The following PBRM1 variants were observed in gnomAD, a reference collection of about 807,000 sequenced individuals.
The protein encoded by PBRM1 is polybromo 1, also known as protein polybromo-1.
PBRM1 carries 27 observed loss-of-function variants against 194.5 expected under a neutral mutation model. The observed-to-expected ratio is 0.14, with a 90% confidence interval of 0.10 to 0.19. The LOEUF (loss-of-function observed/expected upper bound fraction) is 0.19. PBRM1 is among the 10% of genes least tolerant of loss of function. The pLI, the probability that PBRM1 is intolerant of heterozygous loss-of-function variation, is 1.00. For missense variants in PBRM1, 1,466 were observed against 2,077.2 expected (o/e 0.71, Z 5.72); for synonymous variants, 655 against 693.2 (o/e 0.94, Z 0.87).
At chr3:52,611,190 C>CA (rs913646882) in intron 15 of PBRM1, among the ~76,000 whole-genome samples, 30 of 151,638 alleles carry the variant, frequency 2.0e-4, no homozygotes, top group Admixed American at 5.9e-4. Flanking sequence ...AAGACACACA[C>CA]AAAAAAAACA....
At chr3:52,670,648 A>G (rs1308983508) in intron 2 of PBRM1, among the ~76,000 whole-genome samples, 2 of 152,132 alleles carry the variant, frequency 1.3e-5, no homozygotes, top group East Asian at 1.9e-4. Context: ...TCCCTACCCC[A>G]TTTTCCCTTC....
intron 10 of PBRM1, among the ~76,000 whole-genome samples, chr3:52,638,993 G>C (rs1165726051): frequency 1.6e-4 from 19 of 120,908 alleles, no homozygotes; most frequent in African/African-American, 4.6e-4. Context: ...TTTTGGGGGG[G>C]GGGGGCGGGG....
At chr3:52,628,944 G>C (rs766686111) in exon 12 of PBRM1, 2 of 1,613,150 alleles carry the variant, frequency 1.2e-6, no homozygotes, top group Non-Finnish European at 1.7e-6. Context: ...GCTGAATTGG[G>C]CACATTATAG....
upstream of PBRM1, among the ~76,000 whole-genome samples, chr3:52,683,539 C>A (rs2097251247): frequency 6.6e-6 from 1 of 151,984 alleles, no homozygotes; most frequent in Admixed American, 6.6e-5. Context: ...TAGGGCCAGG[C>A]ACAGTGGCTC....
chr3:52,578,210 G>A (rs2090191407), intron 21 of PBRM1, among the ~76,000 whole-genome samples: 1 of 151,948 alleles, frequency 6.6e-6, no homozygotes, highest in Non-Finnish European at 1.5e-5. Context: ...TTCTCCCCTT[G>A]TTCTCCTCTA....
upstream of PBRM1, among the ~76,000 whole-genome samples, chr3:52,683,907 A>G (rs1029912506): frequency 6.7e-6 from 1 of 149,696 alleles, no homozygotes; most frequent in African/African-American, 2.5e-5. Flanking sequence ...ACAGGGGCTC[A>G]TATCTGTAGT....
chr3:52,653,846 G>A (rs918297904), intron 5 of PBRM1, among the ~76,000 whole-genome samples: 1 of 152,098 alleles, frequency 6.6e-6, no homozygotes, highest in Non-Finnish European at 1.5e-5. Flanking sequence ...GGAGGCAGAG[G>A]TTGCAGTGGG....
downstream of PBRM1, chr3:52,547,830 C>T (rs757058134): frequency 7.1e-5 from 29 of 410,594 alleles, no homozygotes; most frequent in Admixed American, 2.9e-4. Context: ...TGGTTTTAAA[C>T]GAAGGAAACA....
At chr3:52,651,835 C>G (rs1242693488) in intron 5 of PBRM1, 25 bp from the exon 7 acceptor site, 6 of 1,482,042 alleles carry the variant, frequency 4.0e-6, no homozygotes, top group Non-Finnish European at 4.7e-6. Flanking sequence ...ACCAGGCATG[C>G]TCAATAAGTT....
chr3:52,679,471 A>T lies in PBRM1; in HGVS notation c.138+103T>A, dbSNP rs965945451. 4.9e-6 allele frequency: 5 copies of T among 1,023,608 alleles called. No homozygotes were observed. The East Asian group carries it at 7.3e-5, about 15-fold the overall frequency. The allele number at this position is 1,023,608 out of a possible 1,614,324, so 63.4% of individuals were successfully genotyped here. On this transcript the variant is annotated intron_variant, in intron 1 of 29. Transcript: ENST00000296302. Reference sequence around the variant, plus strand: ...AAAGACTATTAATCAAGAGAATCTTAAAAAAGTGGAGATGCCTTGCATCGT... The same window carrying T: ...AAAGACTATTAATCAAGAGAATCTTTAAAAAGTGGAGATGCCTTGCATCGT...
At chr3:52,667,852 G>T (rs1458886883) in intron 3 of PBRM1, among the ~76,000 whole-genome samples, 1 of 151,082 alleles carries the variant, frequency 6.6e-6, no homozygotes, top group East Asian at 1.9e-4. Flanking sequence ...TTGAGGCCAG[G>T]AGTTTGAGAC....
chr3:52,580,422 G>A (rs1390051400), intron 20 of PBRM1, among the ~76,000 whole-genome samples: 5 of 151,942 alleles, frequency 3.3e-5, no homozygotes, highest in South Asian at 2.1e-4. Flanking sequence ...GCAGTGGCGC[G>A]ATATTGGCTC....
intron 24 of PBRM1, among the ~76,000 whole-genome samples, chr3:52,562,395 C>G (rs888014818): frequency 6.6e-6 from 1 of 151,872 alleles, no homozygotes; most frequent in Admixed American, 6.6e-5. Flanking sequence ...TTTATTGACA[C>G]GTTTGGTTTA....
At chr3:52,654,188 C>T (rs2096564681) in intron 5 of PBRM1, among the ~76,000 whole-genome samples, 1 of 152,194 alleles carries the variant, frequency 6.6e-6, no homozygotes, top group South Asian at 2.1e-4. Context: ...TACTGAAGCC[C>T]ACGCAGCAAC....
chr3:52,614,015 T>A (rs2094801965), intron 15 of PBRM1, among the ~76,000 whole-genome samples: 2 of 152,184 alleles, frequency 1.3e-5, no homozygotes, highest in Non-Finnish European at 2.9e-5. Context: ...AAAGGATTCA[T>A]CGCTTAGCAG....
intron 10 of PBRM1, among the ~76,000 whole-genome samples, chr3:52,636,850 C>T (rs1055104468): frequency 7.6e-5 from 9 of 119,026 alleles, no homozygotes; most frequent in Admixed American, 6.1e-4. Flanking sequence ...CAGAGTGAGA[C>T]TCCGCCTTAA....
At chr3:52,667,417 A>G (rs1485106169) in intron 3 of PBRM1, among the ~76,000 whole-genome samples, 1 of 152,174 alleles carries the variant, frequency 6.6e-6, no homozygotes, top group African/African-American at 2.4e-5. Context: ...AAAAAAACTG[A>G]AACACATATA....
intron 2 of PBRM1, among the ~76,000 whole-genome samples, chr3:52,674,818 T>C (rs930227831): frequency 3.3e-5 from 5 of 151,164 alleles, no homozygotes; most frequent in Non-Finnish European, 1.5e-5. Flanking sequence ...GTGTTTACTA[T>C]ATACATACAC....
At chr3:52,636,294 A>G (rs967122245) in intron 10 of PBRM1, among the ~76,000 whole-genome samples, 12 of 152,326 alleles carry the variant, frequency 7.9e-5, no homozygotes, top group East Asian at 1.9e-4. Context: ...AGCAAATCAT[A>G]AAAACACCAA....
Sources: allele counts gnomAD v4.1 joint callset (sites outside exome capture counted in the v4.1 genomes callset), GRCh38; gene constraint gnomAD v4.1.1; transcripts MANE v1.5; gene names NCBI Gene and HGNC (gene_info 2026-07-23, HGNC 2026-07-21).